Variants in SNRPN observed in about 807,000 individuals in gnomAD.
The protein encoded by SNRPN is small nuclear ribonucleoprotein-associated protein N.
A neutral mutation model predicts 25.2 loss-of-function variants in SNRPN; 7 were observed. The observed-to-expected ratio is 0.28, with a 90% confidence interval of 0.16 to 0.52. SNRPN has a LOEUF of 0.52. SNRPN is among the 20% of genes least tolerant of loss of function. SNRPN has a pLI of 0.96. For missense variants in SNRPN, 196 were observed against 322.5 expected, an observed-to-expected ratio of 0.61 and a Z score of 3.00; for synonymous variants, 124 against 110.6, an observed-to-expected ratio of 1.12 and a Z score of -0.76.
intron 3 of SNRPN, among the ~76,000 whole-genome samples, chr15:24,928,926 C>G (rs1465294996): frequency 2.0e-5 from 3 of 152,022 alleles, no homozygotes; most frequent in African/African-American, 7.2e-5. Flanking sequence ...TAGATACTGA[C>G]CCCATTTAGA....
intron 1 of SNRPN, among the ~76,000 whole-genome samples, chr15:24,861,868 A>T (rs2054013312): frequency 6.6e-6 from 1 of 152,344 alleles, no homozygotes; most frequent in East Asian, 1.9e-4. Context: ...AAATCAATAG[A>T]TATCTTGAAA....
At chr15:24,878,178 T>C (rs187664400) in intron 1 of SNRPN, among the ~76,000 whole-genome samples, 51 of 152,334 alleles carry the variant, frequency 3.3e-4, no homozygotes, top group Admixed American at 3.3e-4. Flanking sequence ...AGTTATTCTT[T>C]AAAACGCTTT....
intron 3 of SNRPN, among the ~76,000 whole-genome samples, chr15:24,935,403 G>A (rs1352290917): frequency 6.6e-6 from 1 of 152,170 alleles, no homozygotes; most frequent in Non-Finnish European, 1.5e-5. Flanking sequence ...CTTTCTGAAG[G>A]GTTCAAGCTG....
intron 2 of SNRPN, among the ~76,000 whole-genome samples, chr15:24,903,808 G>A (rs2058617294): frequency 1.3e-5 from 2 of 152,126 alleles, no homozygotes; most frequent in Admixed American, 6.5e-5. Flanking sequence ...AGAGAGGGGC[G>A]GATCACTTGA....
In SNRPN at chr15:24,873,168, G is replaced by A. The variant is rs1008186025; in HGVS notation, c.-578-13348G>A. Among the ~76,000 whole-genome samples, 9 of 107,890 alleles carry A rather than the reference G, an allele frequency of 8.3e-5. 3 individuals are homozygous for A. Among genetic ancestry groups the A allele is most frequent in the African/African-American group, 2.1e-4 (6 of 28,186 alleles). 70.8% of individuals were successfully genotyped at this position (107,890 alleles called of 152,430 possible). On this transcript the variant is annotated intron_variant, in intron 1 of 11. Coordinates refer to the SNRPN transcript ENST00000400097. ...CTTACCAATTACTCCCGCCTTGCCC[G>A]CAAAAAAAAAGCAACAGGGATTCCC...
chr15:24,831,491 C>G (rs1255187850), intron 2 of SNRPN, among the ~76,000 whole-genome samples: 2 of 151,928 alleles, frequency 1.3e-5, no homozygotes, highest in Admixed American at 6.6e-5. Context: ...GGCAAGAACA[C>G]TTTACATCCA....
chr15:24,903,357 A>G (rs1475068333), intron 2 of SNRPN, among the ~76,000 whole-genome samples: 7 of 152,206 alleles, frequency 4.6e-5, no homozygotes, highest in Non-Finnish European at 7.3e-5. Flanking sequence ...AAAGTGGTTA[A>G]CCCAAAGTTT....
intron 2 of SNRPN, chr15:24,850,091 G>A (rs753353702): frequency 6.6e-6 from 1 of 152,160 alleles, no homozygotes; most frequent in Non-Finnish European, 1.5e-5. Flanking sequence ...CACTGTCTGT[G>A]TGATTTCCAC....
intron 1 of SNRPN, among the ~76,000 whole-genome samples, chr15:24,859,416 A>T (rs1296195703): frequency 6.6e-6 from 1 of 152,184 alleles, no homozygotes; most frequent in Non-Finnish European, 1.5e-5. Context: ...TGAAGGAAGC[A>T]TTCCTGCAGG....
At chr15:24,896,562 A>G (rs2058092084) in intron 2 of SNRPN, among the ~76,000 whole-genome samples, 1 of 151,944 alleles carries the variant, frequency 6.6e-6, no homozygotes, top group African/African-American at 2.4e-5. Context: ...AAATACAAAA[A>G]AACTAGCTAG....
chr15:24,954,969 T>C, upstream of SNRPN: 3 of 1,597,468 alleles, frequency 1.9e-6, no homozygotes, highest in Non-Finnish European at 2.6e-6. Flanking sequence ...AGCCTGCCGC[T>C]GCTGCAGCGA....
chr15:24,881,730 T>G (rs1425754868), intron 1 of SNRPN, among the ~76,000 whole-genome samples: 2 of 152,156 alleles, frequency 1.3e-5, no homozygotes, highest in Non-Finnish European at 2.9e-5. Flanking sequence ...TATTAACAAT[T>G]ACATAAAGTG....
chr15:24,918,995 G>T (rs865788365), intron 2 of SNRPN, among the ~76,000 whole-genome samples: 1 of 112,148 alleles, frequency 8.9e-6, no homozygotes, highest in African/African-American at 3.8e-5. Flanking sequence ...ATATATGTGC[G>T]CATATATATA....
At chr15:24,947,052 TC>T (rs2061932889) in intron 3 of SNRPN, among the ~76,000 whole-genome samples, 10 of 152,200 alleles carry the variant, frequency 6.6e-5, no homozygotes, top group Admixed American at 6.5e-4. Context: ...AAGTATCATT[TC>T]CAATATTTTG....
chr15:24,966,371 A>G (rs2075638535), intron 2 of SNRPN, among the ~76,000 whole-genome samples: 1 of 152,184 alleles, frequency 6.6e-6, no homozygotes, highest in Non-Finnish European at 1.5e-5. Context: ...CTCAGGATGC[A>G]TTACCTGCAC....
At chr15:24,922,835 A>G (rs2060109943) in intron 3 of SNRPN, among the ~76,000 whole-genome samples, 1 of 149,170 alleles carries the variant, frequency 6.7e-6, no homozygotes, top group Non-Finnish European at 1.5e-5. Flanking sequence ...CACTATAGGT[A>G]TACAGACATA....
At chr15:24,947,645 A>C (rs2061964958) in intron 3 of SNRPN, among the ~76,000 whole-genome samples, 1 of 152,136 alleles carries the variant, frequency 6.6e-6, no homozygotes, top group Admixed American at 6.5e-5. Context: ...AAAAAACCAA[A>C]ACAGAAAAAC....
intron 2 of SNRPN, among the ~76,000 whole-genome samples, chr15:24,896,866 C>T (rs542949766): frequency 6.6e-6 from 1 of 152,238 alleles, no homozygotes; most frequent in East Asian, 1.9e-4. Context: ...TAAAAAGTAA[C>T]AGAGTCTGCG....
At chr15:24,862,458 CTCT>C (rs1023588014) in intron 1 of SNRPN, among the ~76,000 whole-genome samples, 9 of 150,754 alleles carry the variant, frequency 6.0e-5, no homozygotes, top group Non-Finnish European at 4.4e-5. Context: ...GGCACAAATC[CTCT>C]TCAGATTGAA....
Sources: gnomAD v4.1 joint callset for allele counts (sites outside exome capture counted in the v4.1 genomes callset) on GRCh38, gnomAD v4.1.1 for gene constraint, MANE v1.5 for transcripts, NCBI Gene and HGNC (gene_info 2026-07-23, HGNC 2026-07-21) for gene names.